PC: variants seen among roughly 807,000 people sequenced by gnomAD.
PC encodes the protein pyruvate carboxylase, mitochondrial.
A neutral mutation model predicts 107.8 loss-of-function variants in PC; 46 were observed. The observed-to-expected ratio is 0.43, with a 90% CI of 0.34 to 0.55. The LOEUF (loss-of-function observed/expected upper bound fraction) is 0.55. PC is among the 20% of genes least tolerant of loss of function. The probability of loss-of-function intolerance (pLI) is 0.04; values close to 1 mark genes in which losing one functional copy is unlikely to be tolerated. For synonymous variants in PC, 662 were observed against 684.7 expected, an observed-to-expected ratio of 0.97 and a Z score of 0.52; for missense variants, 1,241 against 1,643.1, an observed-to-expected ratio of 0.76 and a Z score of 4.23.
At chr11:66,927,025 T>C (rs909721166) in intron 3 of PC, among the ~76,000 whole-genome samples, 3 of 150,030 alleles carry the variant, frequency 2.0e-5, no homozygotes, top group African/African-American at 7.4e-5. Context: ...AGTTTTGCTC[T>C]CGTCGCCCAG....
At chr11:66,931,588 A>T (rs992808617) in intron 3 of PC, among the ~76,000 whole-genome samples, 2 of 119,262 alleles carry the variant, frequency 1.7e-5, no homozygotes, top group African/African-American at 6.2e-5. Flanking sequence ...TGGCAAAATG[A>T]AGAAAAAAAA....
Position 66,858,703 on chromosome 11 carries a change from G to A in PC, c.1368+5071C>T, listed in dbSNP as rs775668753. ...ATGCACTGGGTCGGTCCTGACGACCGGTTGGTTGGCAACTCCTCCCGAGCC... is the reference window on the plus strand; with the variant it reads ...ATGCACTGGGTCGGTCCTGACGACCAGTTGGTTGGCAACTCCTCCCGAGCC... On this transcript the variant is annotated intron_variant, in intron 12 of 22. Transcript: ENST00000393960. This position sits in a 1 kb window ranked among gnomAD's most constrained non-coding sequence, Gnocchi z 5.9. The A allele has an allele frequency of 2.6e-6, 4 of 1,550,810 alleles. No homozygotes were observed. Among genetic ancestry groups the A allele is most frequent in the South Asian group, 1.2e-5 (1 of 84,654 alleles).
At chr11:66,859,099 G>T (rs947934808) in intron 12 of PC, 4 of 1,484,534 alleles carry the variant, frequency 2.7e-6, no homozygotes, top group Non-Finnish European at 3.6e-6. Context: ...TACCGGTGAG[G>T]ATGCGTGCCC....
intron 3 of PC, among the ~76,000 whole-genome samples, chr11:66,896,799 C>A (rs895922689): frequency 1.4e-4 from 22 of 152,332 alleles, no homozygotes; most frequent in Middle Eastern, 3.4e-3. Flanking sequence ...AGATGAGAAG[C>A]GTCCGCCTAT....
At chr11:66,930,677 G>A (rs1285891036) in intron 3 of PC, among the ~76,000 whole-genome samples, 1 of 149,932 alleles carries the variant, frequency 6.7e-6, no homozygotes, top group African/African-American at 2.5e-5. Context: ...GGGAGTCAGA[G>A]GTTGTAGTGA....
rs115264136 is a variant in PC at position 66,867,166 on chromosome 11, C to A, written c.1023-817G>T. 9.2e-3 allele frequency among the ~76,000 whole-genome samples: 1,399 copies of A among 152,212 alleles called. 26 individuals are homozygous for A. The highest frequency in any genetic ancestry group is 0.031 in the African/African-American group (1,293 of 41,524). ...TTTGGGAGGCCAAAGTGGGTGAATC[C>A]CACGAGGCCAGGAGTTCGAGACTAG... On this transcript the variant is annotated intron_variant, in intron 10 of 22. Coordinates refer to ENST00000393960, the MANE Select transcript of PC (RefSeq NM_001040716.2).
At chr11:66,877,392 A>T (rs1272015422) in intron 3 of PC, among the ~76,000 whole-genome samples, 1 of 152,098 alleles carries the variant, frequency 6.6e-6, no homozygotes, top group Non-Finnish European at 1.5e-5. Context: ...TCTCAAAAAC[A>T]AAACAAAACA....
At chr11:66,935,856 A>G (rs1479273079) in intron 3 of PC, among the ~76,000 whole-genome samples, 1 of 152,148 alleles carries the variant, frequency 6.6e-6, no homozygotes, top group South Asian at 2.1e-4. Context: ...CAGGAGGCCG[A>G]GGCAGGAGGA....
At chr11:66,918,321 G>A (rs1017748268) in intron 3 of PC, among the ~76,000 whole-genome samples, 6 of 151,730 alleles carry the variant, frequency 4.0e-5, no homozygotes, top group Non-Finnish European at 1.5e-5. Flanking sequence ...GATTGCTTGA[G>A]CCCAGGAGTT....
intron 3 of PC, among the ~76,000 whole-genome samples, chr11:66,881,046 C>G (rs1565257324): frequency 2.0e-5 from 3 of 152,338 alleles, no homozygotes; most frequent in South Asian, 4.1e-4. Flanking sequence ...GTTACAGTTA[C>G]ACGCCTCGGG....
At chr11:66,955,767 G>C (rs1949545971) in intron 1 of PC, among the ~76,000 whole-genome samples, 1 of 147,170 alleles carries the variant, frequency 6.8e-6, no homozygotes, top group Admixed American at 6.6e-5. Context: ...TCTGCCTTTT[G>C]GGCTTTTTTT....
intron 1 of PC, among the ~76,000 whole-genome samples, chr11:66,956,258 T>C (rs553947460): frequency 6.6e-6 from 1 of 152,206 alleles, no homozygotes; most frequent in Admixed American, 6.5e-5. Context: ...TCCACCTTCC[T>C]CAGCCTTCCT....
Position 66,849,864 on chromosome 11 carries a change from G to A in PC, c.2899-5C>T, listed in dbSNP as rs1945363578. 1 of 1,613,590 alleles carries A rather than the reference G, an allele frequency of 6.2e-7. No homozygotes were observed. Among genetic ancestry groups the A allele is most frequent in the Admixed American group, 1.7e-5 (1 of 60,014 alleles). ...CCTTGGCAGGTCCTTCAGTACCTGG[G>A]GAGCAAAGCAGAGGATCAGTCCCAA... is the stretch of plus-strand genomic sequence containing the variant. On this transcript the variant is annotated splice_region_variant and splice_polypyrimidine_tract_variant and intron_variant, in intron 20 of 22. Transcript: ENST00000393960.
At chr11:66,929,033 GA>G (rs1271590818) in intron 3 of PC, among the ~76,000 whole-genome samples, 2 of 152,136 alleles carry the variant, frequency 1.3e-5, no homozygotes, top group Non-Finnish European at 2.9e-5. Context: ...TTGAATGCTA[GA>G]ATGGACTTAG....
chr11:66,948,093 G>T (rs1299311755), intron 3 of PC, among the ~76,000 whole-genome samples: 1 of 151,346 alleles, frequency 6.6e-6, no homozygotes, highest in Admixed American at 6.6e-5. Flanking sequence ...CACACCTGTA[G>T]TTCCAGCTAC....
intron 12 of PC, among the ~76,000 whole-genome samples, chr11:66,855,453 C>T (rs1434452687): frequency 3.3e-5 from 5 of 152,178 alleles, no homozygotes; most frequent in Non-Finnish European, 7.3e-5. Context: ...CATGCGGTAC[C>T]ACGCCCGGCT....
At chr11:66,872,945 G>A (rs1322361521) in intron 3 of PC, among the ~76,000 whole-genome samples, 6 of 151,966 alleles carry the variant, frequency 3.9e-5, no homozygotes, top group East Asian at 1.9e-4. Flanking sequence ...GCTGAGGCAC[G>A]AGAATCGCTT....
chr11:66,917,592 G>A (rs1174078144), intron 3 of PC, among the ~76,000 whole-genome samples: 3 of 152,190 alleles, frequency 2.0e-5, no homozygotes, highest in South Asian at 2.1e-4. Flanking sequence ...TGAAGGCTGC[G>A]TTTGTTGCTT....
In PC at chr11:66,849,747, G is replaced by A. The variant is rs531674975; in HGVS notation, c.3011C>T (p.Pro1004Leu). 21 of 1,614,194 alleles carry A rather than the reference G, an allele frequency of 1.3e-5. No homozygotes were observed. Among genetic ancestry groups the A allele is most frequent in the South Asian group, 5.5e-5 (5 of 91,090 alleles). Residue 1004 changes from proline (P) to leucine (L), a missense_variant, in exon 21 of 23, where the codon CCG (proline) becomes CTG (leucine). Physicochemically the swap from Pro to Leu is moderately conservative, Grantham distance 98 (BLOSUM62 -3). This residue lies in a region of PC where 1,143 missense variants were observed against 1,551.9 expected (regional missense o/e 0.74). Coordinates refer to ENST00000393960, the MANE Select transcript of PC (RefSeq NM_001040716.2). The part of the protein sequence containing the change: ...LVDRHGEEVT[P>L]EDVLSAAMYP... ...CATAGCTGCTGAGAGCACATCTTCC[G>A]GCGTCACCTCCTCCCCATGCCGGTC... is the stretch of plus-strand genomic sequence containing the variant.
Sources: gnomAD v4.1 joint callset for allele counts (sites outside exome capture counted in the v4.1 genomes callset) on GRCh38, gnomAD v4.1.1 for gene constraint, gnomAD v4.1.1 regional missense constraint, Gnocchi (gnomAD v3.1) non-coding constraint, MANE v1.5 for transcripts, NCBI Gene and HGNC (gene_info 2026-07-23, HGNC 2026-07-21) for gene names.